KANK4: variants seen among roughly 807,000 people sequenced by gnomAD.
KANK4 encodes KN motif and ankyrin repeat domains 4, also known as KN motif and ankyrin repeat domain-containing protein 4.
KANK4 carries 50 observed loss-of-function variants against 80.8 expected under a neutral mutation model. The ratio of observed to expected loss-of-function variants is 0.62; its 90% CI spans 0.49 to 0.78. The LOEUF (loss-of-function observed/expected upper bound fraction) is 0.78, where lower values mean the gene tolerates loss of function less well. Ranked by LOEUF, KANK4 falls within the 30% of genes least tolerant of loss-of-function variation. The pLI is 0.00. For missense variants in KANK4, 1,196 were observed against 1,240.1 expected (o/e 0.96, Z 0.53); for synonymous variants, 465 against 506.9 (o/e 0.92, Z 1.11).
At chr1:62,246,794 G>T (rs1272639558) in intron 9 of KANK4, among the ~76,000 whole-genome samples, 1 of 149,124 alleles carries the variant, frequency 6.7e-6, no homozygotes, top group Non-Finnish European at 1.5e-5. Context: ...AGAGTTTCAT[G>T]TTGTTGCCTA....
chr1:62,239,146 C>T (rs1025596151), intron 9 of KANK4, among the ~76,000 whole-genome samples: 1 of 152,068 alleles, frequency 6.6e-6, no homozygotes, highest in East Asian at 1.9e-4. Flanking sequence ...AAGTGGCCCA[C>T]CCACATTGGC....
At chr1:62,257,565 C>T (rs547602183) in intron 7 of KANK4, among the ~76,000 whole-genome samples, 1 of 152,328 alleles carries the variant, frequency 6.6e-6, no homozygotes, top group Admixed American at 6.5e-5. Flanking sequence ...GGCAGAGGTG[C>T]ACTCTGGCTC....
chr1:62,279,482 G>A (rs1264365390), intron 2 of KANK4, among the ~76,000 whole-genome samples: 2 of 152,180 alleles, frequency 1.3e-5, no homozygotes, highest in East Asian at 3.9e-4. Context: ...TGTTCAAAAT[G>A]AAATTCAGAT....
chr1:62,316,723 C>G (rs1644543062), intron 1 of KANK4, among the ~76,000 whole-genome samples: 2 of 152,158 alleles, frequency 1.3e-5, no homozygotes, highest in South Asian at 4.1e-4. Flanking sequence ...CCATCCCCTC[C>G]CCATATAAAA....
rs199777200 is a variant in KANK4 at position 62,278,397 on chromosome 1, CT to C, written c.16+3151del. Among the ~76,000 whole-genome samples the C allele has an allele frequency of 3.5e-3, 101 of 29,206 alleles. 17 individuals carry two copies. The South Asian group carries it at 0.11, about 31-fold the overall frequency. The allele number at this position is 29,206 out of a possible 152,430, so 19.2% of individuals were successfully genotyped here. A position where few individuals can be genotyped will look rare whatever the true frequency, so the allele number is the denominator to read the frequency against. On this transcript the variant is annotated intron_variant, in intron 2 of 9. Transcript: ENST00000371153. ...CCTTCCTTTCTTTCTTTCTTTCTTTCTTTTTTTTTTTTGAGATGGAATTTCG... is the reference window on the plus strand; with the variant it reads ...CCTTCCTTTCTTTCTTTCTTTCTTTCTTTTTTTTTTTGAGATGGAATTTCG...
intron 9 of KANK4, among the ~76,000 whole-genome samples, chr1:62,242,085 C>T (rs1671354791): frequency 6.6e-6 from 1 of 152,102 alleles, no homozygotes; most frequent in African/African-American, 2.4e-5. Context: ...CCATGGGAGC[C>T]AGGTATGGTG....
intron 4 of KANK4, among the ~76,000 whole-genome samples, chr1:62,269,963 G>C (rs1672121069): frequency 6.6e-6 from 1 of 152,172 alleles, no homozygotes; most frequent in East Asian, 1.9e-4. Context: ...TCAGACACTG[G>C]GATGTTTTAA....
chr1:62,302,630 G>T (rs543064668), intron 1 of KANK4, among the ~76,000 whole-genome samples: 21 of 152,146 alleles, frequency 1.4e-4, no homozygotes, highest in African/African-American at 4.6e-4. Context: ...GTGCTCCCTG[G>T]CCTCTTCCAC....
intron 7 of KANK4, among the ~76,000 whole-genome samples, chr1:62,261,187 C>T (rs1671877222): frequency 1.7e-5 from 2 of 121,062 alleles, no homozygotes; most frequent in Admixed American, 2.2e-4. Flanking sequence ...GACAGGGTCT[C>T]TCTCTGTTGC....
intron 7 of KANK4, among the ~76,000 whole-genome samples, chr1:62,256,628 G>A (rs540984905): frequency 1.5e-4 from 23 of 151,886 alleles, no homozygotes; most frequent in Non-Finnish European, 7.4e-5. Flanking sequence ...GGTGATCCGC[G>A]CACCTCGGCC....
intron 9 of KANK4, among the ~76,000 whole-genome samples, chr1:62,240,541 T>C (rs1056824511): frequency 1.3e-5 from 2 of 152,128 alleles, no homozygotes; most frequent in Non-Finnish European, 2.9e-5. Context: ...TGGTGGCACA[T>C]GTCTGTAACC....
chr1:62,248,940 A>G (rs917990865), intron 8 of KANK4, among the ~76,000 whole-genome samples: 4 of 146,230 alleles, frequency 2.7e-5, no homozygotes, highest in Non-Finnish European at 6.0e-5. Flanking sequence ...AGGCGGGCAG[A>G]TCACCTGAGG....
intron 6 of KANK4, among the ~76,000 whole-genome samples, chr1:62,263,692 A>C (rs1231466069): frequency 6.6e-6 from 1 of 152,140 alleles, no homozygotes; most frequent in Admixed American, 6.6e-5. Flanking sequence ...GCCCACAATG[A>C]CCTTTCCCCA....
At chr1:62,284,168 C>T (rs938215598) in intron 1 of KANK4, among the ~76,000 whole-genome samples, 1 of 152,158 alleles carries the variant, frequency 6.6e-6, no homozygotes, top group African/African-American at 2.4e-5. Context: ...CAACAGACAT[C>T]GTGGAGCTTA....
At chr1:62,297,996 T>TAC in intron 1 of KANK4, among the ~76,000 whole-genome samples, 1 of 149,788 alleles carries the variant, frequency 6.7e-6, no homozygotes, top group Non-Finnish European at 1.5e-5. Context: ...TGTTGTTCTC[T>TAC]AGGCAGGGCA....
chr1:62,253,255 G>C (rs1671666185), intron 7 of KANK4, 46 bp from the exon 8 acceptor site: 2 of 1,558,536 alleles, frequency 1.3e-6, no homozygotes, highest in South Asian at 1.2e-5. Flanking sequence ...GAGGGGCCAG[G>C]AGCCAGACTC....
At chr1:62,248,175 C>G (rs1671518195) in intron 8 of KANK4, among the ~76,000 whole-genome samples, 1 of 152,104 alleles carries the variant, frequency 6.6e-6, no homozygotes, top group Non-Finnish European at 1.5e-5. Context: ...TACCCAGAAC[C>G]CTCTTCTCTC....
At chr1:62,314,104 C>T (rs1228956345) in intron 1 of KANK4, among the ~76,000 whole-genome samples, 1 of 152,142 alleles carries the variant, frequency 6.6e-6, no homozygotes, top group African/African-American at 2.4e-5. Flanking sequence ...ACTTCTGCCT[C>T]CTGGGTTCAA....
At chr1:62,304,543 C>G (rs897241358) in intron 1 of KANK4, among the ~76,000 whole-genome samples, 3 of 151,912 alleles carry the variant, frequency 2.0e-5, no homozygotes, top group African/African-American at 7.2e-5. Context: ...TTAACTTCCC[C>G]AGCTCCTGTC....
Sources: gnomAD v4.1 joint callset for allele counts (sites outside exome capture counted in the v4.1 genomes callset) on GRCh38, gnomAD v4.1.1 for gene constraint, MANE v1.5 for transcripts, NCBI Gene and HGNC (gene_info 2026-07-23, HGNC 2026-07-21) for gene names.